Variants in SFMBT2 observed in about 807,000 individuals in gnomAD.
SFMBT2 encodes Scm like with four mbt domains 2, also known as scm-like with four MBT domains protein 2.
In SFMBT2, 38 loss-of-function variants were observed where a neutral mutation model predicts 110.1. That is an observed-to-expected ratio of 0.35 (90% CI 0.27 to 0.45). The LOEUF is 0.45. Among genes scored for constraint, SFMBT2 ranks in the 20% least tolerant of loss-of-function variants. SFMBT2 has a pLI of 1.00. For synonymous variants in SFMBT2, 425 were observed against 425.4 expected (o/e 1.00, Z 0.01); for missense variants, 1,011 against 1,094.9 (o/e 0.92, Z 1.08).
chr10:7,349,144 A>T (rs1588469819), intron 4 of SFMBT2, among the ~76,000 whole-genome samples: 1 of 152,176 alleles, frequency 6.6e-6, no homozygotes, highest in East Asian at 1.9e-4. Context: ...AGAATCACAG[A>T]CCTCTTCCAT....
chr10:7,364,142 A>C (rs952149809), intron 4 of SFMBT2, among the ~76,000 whole-genome samples: 27 of 152,178 alleles, frequency 1.8e-4, no homozygotes, highest in African/African-American at 6.5e-4. Context: ...CGATCAATAA[A>C]ACTTCTTGCC....
At chr10:7,251,044 C>T (rs1158745042) in intron 7 of SFMBT2, among the ~76,000 whole-genome samples, 2 of 151,710 alleles carry the variant, frequency 1.3e-5, no homozygotes, top group African/African-American at 4.8e-5. Context: ...AAAGAAAAGA[C>T]AAATATTTAA....
chr10:7,229,699 T>C (rs1840056188), intron 9 of SFMBT2, among the ~76,000 whole-genome samples: 1 of 149,932 alleles, frequency 6.7e-6, no homozygotes, highest in Non-Finnish European at 1.5e-5. Flanking sequence ...ATAAGCAATC[T>C]CAATATATCC....
At chr10:7,324,615 C>A (rs1843315811) in intron 4 of SFMBT2, among the ~76,000 whole-genome samples, 1 of 152,188 alleles carries the variant, frequency 6.6e-6, no homozygotes, top group African/African-American at 2.4e-5. Context: ...GTTGTTCTTA[C>A]CAGCTAGAAG....
At chr10:7,315,497 A>T (rs759707453) in intron 4 of SFMBT2, among the ~76,000 whole-genome samples, 3 of 151,994 alleles carry the variant, frequency 2.0e-5, no homozygotes, top group Non-Finnish European at 4.4e-5. Context: ...GAACTATTCC[A>T]CCAGTTCCAG....
Position 7,203,249 on chromosome 10 carries a change from T to A in SFMBT2, c.1445-727A>T, listed in dbSNP as rs144758124. On this transcript the variant is annotated intron_variant, in intron 12 of 20. Coordinates refer to ENST00000397167, the MANE Select transcript of SFMBT2 (RefSeq NM_001387889.1). ...GTTTGCCTCTTTAAAGCAAAATGTA[T>A]GTGCAAGAAATGCAAGCAAAAATAA... is the stretch of plus-strand genomic sequence containing the variant. The A allele has an allele frequency of 1.7e-4, 48 of 288,736 alleles. 1 individual carries two copies. The highest frequency in any genetic ancestry group is 1.8e-3 in the Middle Eastern group (1 of 552). The allele number at this position is 288,736 out of a possible 1,614,324, so 17.9% of individuals were successfully genotyped here.
At chr10:7,215,449 C>G (rs904608926) in intron 11 of SFMBT2, 1 of 660,150 alleles carries the variant, frequency 1.5e-6, no homozygotes, top group Admixed American at 6.3e-5. Flanking sequence ...TTCCTATGGT[C>G]TTGAACCTGT....
intron 10 of SFMBT2, 54 bp from the exon 11 acceptor site, chr10:7,220,591 C>T: frequency 1.9e-6 from 3 of 1,603,082 alleles, no homozygotes; most frequent in Admixed American, 1.7e-5. Flanking sequence ...CAGGACAAAG[C>T]TGGGCAGATG....
intron 6 of SFMBT2, among the ~76,000 whole-genome samples, chr10:7,280,099 C>T (rs1841907065): frequency 6.6e-6 from 1 of 152,164 alleles, no homozygotes; most frequent in Non-Finnish European, 1.5e-5. Flanking sequence ...CTCTCTTGAT[C>T]TACTATGTGA....
chr10:7,364,918 A>C (rs1564459846), intron 4 of SFMBT2, among the ~76,000 whole-genome samples: 1 of 152,280 alleles, frequency 6.6e-6, no homozygotes, highest in Non-Finnish European at 1.5e-5. Context: ...ATATTCCATC[A>C]GTACAATTCC....
chr10:7,207,296 G>A (rs1337211257), intron 11 of SFMBT2, among the ~76,000 whole-genome samples: 1 of 151,772 alleles, frequency 6.6e-6, no homozygotes, highest in Non-Finnish European at 1.5e-5. Context: ...GGAGGTCGAG[G>A]TTGCAGTGAG....
At chr10:7,216,033 C>G (rs911248530) in intron 11 of SFMBT2, among the ~76,000 whole-genome samples, 3 of 152,202 alleles carry the variant, frequency 2.0e-5, no homozygotes, top group African/African-American at 7.2e-5. Flanking sequence ...TTAATGCAAA[C>G]CAAGCCCCTG....
At chr10:7,400,659 T>A (rs1846053706) in intron 1 of SFMBT2, among the ~76,000 whole-genome samples, 1 of 152,214 alleles carries the variant, frequency 6.6e-6, no homozygotes, top group Non-Finnish European at 1.5e-5. Flanking sequence ...CAGCAAACCC[T>A]GGCAGCTGCA....
At chr10:7,213,696 T>TCAGATCCGTGTGCAAGGCCATGGGCGC (rs1564387137) in intron 11 of SFMBT2, among the ~76,000 whole-genome samples, 1 of 123,722 alleles carries the variant, frequency 8.1e-6, no homozygotes, top group Non-Finnish European at 1.8e-5. Flanking sequence ...GCCATGGGTG[T>TCAGATCCGTGTGCAAGGCCATGGGCGC]GGGCACTCAG....
At chr10:7,378,577 A>AGT (rs966605525) in intron 2 of SFMBT2, among the ~76,000 whole-genome samples, 1 of 101,244 alleles carries the variant, frequency 9.9e-6, no homozygotes, top group Non-Finnish European at 1.9e-5. Flanking sequence ...GATGGGTGTG[A>AGT]GTGTGTGTGT....
intron 15 of SFMBT2, among the ~76,000 whole-genome samples, chr10:7,196,624 C>T (rs1176392971): frequency 6.6e-6 from 1 of 152,186 alleles, no homozygotes; most frequent in Non-Finnish European, 1.5e-5. Flanking sequence ...CCAATGCTTC[C>T]GATGGTGCCT....
intron 7 of SFMBT2, among the ~76,000 whole-genome samples, chr10:7,257,400 C>T (rs1822368448): frequency 6.6e-6 from 1 of 152,154 alleles, no homozygotes; most frequent in African/African-American, 2.4e-5. Context: ...AAAGGGACAG[C>T]ACCTGATTCA....
chr10:7,248,438 C>T, intron 8 of SFMBT2, 110 bp downstream of exon 8: 1 of 864,318 alleles, frequency 1.2e-6, no homozygotes, highest in Non-Finnish European at 1.8e-6. Context: ...CTTCGCCTGG[C>T]ATTGCTGATA....
At chr10:7,280,964 C>T (rs1012382349) in intron 6 of SFMBT2, among the ~76,000 whole-genome samples, 21 of 152,138 alleles carry the variant, frequency 1.4e-4, no homozygotes, top group African/African-American at 3.4e-4. Context: ...ACAAGGGCCA[C>T]GTGGAGTGGT....
Sources: gnomAD v4.1 joint callset for allele counts (sites outside exome capture counted in the v4.1 genomes callset) on GRCh38, gnomAD v4.1.1 for gene constraint, MANE v1.5 for transcripts, NCBI Gene and HGNC (gene_info 2026-07-23, HGNC 2026-07-21) for gene names.